RHOJ: variants seen among roughly 807,000 people sequenced by gnomAD.
RHOJ encodes the protein ras homolog family member J.
A neutral mutation model predicts 23.4 loss-of-function variants in RHOJ; 11 were observed. That is an observed-to-expected ratio of 0.47 (90% CI 0.30 to 0.78). The LOEUF is 0.78. RHOJ is among the 30% of genes least tolerant of loss of function. The pLI, the probability that RHOJ is intolerant of heterozygous loss-of-function variation, is 0.08. For synonymous variants in RHOJ, 102 were observed against 102.7 expected (o/e 0.99, Z 0.04); for missense variants, 254 against 273.4 (o/e 0.93, Z 0.50).
At chr14:63,244,617 C>A (rs1417829868) in intron 1 of RHOJ, among the ~76,000 whole-genome samples, 1 of 152,074 alleles carries the variant, frequency 6.6e-6, no homozygotes, top group Non-Finnish European at 1.5e-5. Flanking sequence ...TGAAAATTGT[C>A]ATCTTTGAAA....
chr14:63,254,335 C>G (rs1301249936), intron 1 of RHOJ, among the ~76,000 whole-genome samples: 1 of 152,090 alleles, frequency 6.6e-6, no homozygotes, highest in Admixed American at 6.5e-5. Flanking sequence ...GCTGGGAAAG[C>G]TACAAGACTC....
chr14:63,275,970 T>C (rs1407540104), intron 2 of RHOJ, among the ~76,000 whole-genome samples: 1 of 152,222 alleles, frequency 6.6e-6, no homozygotes, highest in East Asian at 1.9e-4. Context: ...TTTATAGCTG[T>C]AGCCCAGGGT....
chr14:63,226,090 A>G (rs1594755827), intron 1 of RHOJ, among the ~76,000 whole-genome samples: 1 of 152,192 alleles, frequency 6.6e-6, no homozygotes, highest in African/African-American at 2.4e-5. Context: ...TTATATAATA[A>G]TCAATTTTTG....
intron 1 of RHOJ, among the ~76,000 whole-genome samples, chr14:63,222,959 C>T (rs1043796034): frequency 6.6e-6 from 1 of 152,194 alleles, no homozygotes; most frequent in African/African-American, 2.4e-5. Context: ...CTCTGTGTTT[C>T]TGGAGAACAC....
chr14:63,230,283 T>C (rs759209261), intron 1 of RHOJ, among the ~76,000 whole-genome samples: 12 of 152,180 alleles, frequency 7.9e-5, no homozygotes, highest in Non-Finnish European at 1.5e-4. Context: ...AGTGGAGTCC[T>C]ACTGAAAACA....
At chr14:63,223,244 G>A (rs530266254) in intron 1 of RHOJ, among the ~76,000 whole-genome samples, 72 of 152,330 alleles carry the variant, frequency 4.7e-4, no homozygotes, top group African/African-American at 1.5e-3. Context: ...GGACCTATTG[G>A]TCTAGGAAAG....
At chr14:63,268,949 T>G (rs1895415545) in intron 1 of RHOJ, among the ~76,000 whole-genome samples, 161 bp from the exon 2 acceptor site, 1 of 152,172 alleles carries the variant, frequency 6.6e-6, no homozygotes, top group Admixed American at 6.5e-5. Flanking sequence ...TACCTTTCAT[T>G]TGGAAATTAT....
At chr14:63,206,341 A>G (rs1203215673) in intron 1 of RHOJ, among the ~76,000 whole-genome samples, 1 of 152,222 alleles carries the variant, frequency 6.6e-6, no homozygotes, top group African/African-American at 2.4e-5. Flanking sequence ...GACTATGCCC[A>G]GAGAAGAACA....
intron 1 of RHOJ, among the ~76,000 whole-genome samples, chr14:63,241,587 G>A (rs1894884590): frequency 6.6e-6 from 1 of 152,100 alleles, no homozygotes; most frequent in Non-Finnish European, 1.5e-5. Flanking sequence ...CAGCCTTGCA[G>A]ATGACAGGAA....
intron 1 of RHOJ, among the ~76,000 whole-genome samples, chr14:63,239,309 G>A (rs1416269169): frequency 4.6e-5 from 7 of 151,806 alleles, no homozygotes; most frequent in Non-Finnish European, 1.0e-4. Flanking sequence ...ACGGGGTTTC[G>A]CCATGTTGGC....
intron 1 of RHOJ, among the ~76,000 whole-genome samples, chr14:63,211,638 G>C (rs1411197603): frequency 6.6e-6 from 1 of 152,096 alleles, no homozygotes; most frequent in East Asian, 1.9e-4. Flanking sequence ...TACTCTTCTA[G>C]TTCTTTTGAA....
intron 1 of RHOJ, among the ~76,000 whole-genome samples, chr14:63,207,292 C>T (rs369133256): frequency 2.6e-5 from 4 of 152,030 alleles, no homozygotes; most frequent in African/African-American, 7.2e-5. Flanking sequence ...AGCCTCCTAA[C>T]GTGCTGGGAT....
intron 1 of RHOJ, among the ~76,000 whole-genome samples, chr14:63,218,610 T>C (rs1566605977): frequency 6.6e-6 from 1 of 152,194 alleles, no homozygotes; most frequent in African/African-American, 2.4e-5. Context: ...ATTAAAAGCT[T>C]CTTAAGGGTA....
At chr14:63,231,087 C>G (rs988296679) in intron 1 of RHOJ, among the ~76,000 whole-genome samples, 7 of 152,164 alleles carry the variant, frequency 4.6e-5, no homozygotes, top group African/African-American at 1.7e-4. Context: ...TGAGGTTTCA[C>G]CATGCTGGCC....
At chr14:63,235,174 G>A (rs1178847439) in intron 1 of RHOJ, among the ~76,000 whole-genome samples, 1 of 151,078 alleles carries the variant, frequency 6.6e-6, no homozygotes, top group African/African-American at 2.4e-5. Flanking sequence ...GGTCCGGGAT[G>A]TGATACATTC....
At chr14:63,260,773 A>G (rs1472379816) in intron 1 of RHOJ, among the ~76,000 whole-genome samples, 2 of 152,122 alleles carry the variant, frequency 1.3e-5, no homozygotes, top group African/African-American at 4.8e-5. Flanking sequence ...ATGGTTTCCA[A>G]CTGTTAGCTA....
rs1159618388 is a variant in RHOJ at position 63,290,991 on chromosome 14, T to C, written c.612T>C (p.Cys204=). The change falls in exon 5 of 5, where the codon TGT becomes TGC. Residue 204 remains cysteine, a synonymous_variant. Transcript: ENST00000316754. ...ACCCCAAGAAAAAGAAGAAACGCTG[T>C]TCTGAGGGTCACAGCTGCTGTTCAA... ...IFHPKKKKKR[C]SEGHSCCSII 6.2e-7 allele frequency: 1 copy of C among 1,614,148 alleles called. No homozygotes were observed. The highest frequency in any genetic ancestry group is 1.3e-5 in the African/African-American group (1 of 75,038).
chr14:63,224,911 A>G (rs1323942291), intron 1 of RHOJ, among the ~76,000 whole-genome samples: 1 of 151,500 alleles, frequency 6.6e-6, no homozygotes, highest in East Asian at 1.9e-4. Flanking sequence ...CACTTTTCTC[A>G]GATGTATCCA....
intron 1 of RHOJ, among the ~76,000 whole-genome samples, chr14:63,223,026 G>T (rs1304362789): frequency 6.6e-6 from 1 of 152,174 alleles, no homozygotes; most frequent in Non-Finnish European, 1.5e-5. Context: ...ACCTATCATT[G>T]ATGAATGACA....
Sources: gnomAD v4.1 joint callset for allele counts (sites outside exome capture counted in the v4.1 genomes callset) on GRCh38, gnomAD v4.1.1 for gene constraint, MANE v1.5 for transcripts, NCBI Gene and HGNC (gene_info 2026-07-23, HGNC 2026-07-21) for gene names.